Variants in C21orf91 observed in about 807,000 individuals in gnomAD.
The protein encoded by C21orf91 is chromosome 21 open reading frame 91.
A neutral mutation model predicts 32.9 loss-of-function variants in C21orf91; 26 were observed. The ratio of observed to expected loss-of-function variants is 0.79; its 90% CI spans 0.58 to 1.10. C21orf91 has a LOEUF of 1.10. Ranked by LOEUF, C21orf91 falls within the 50% of genes least tolerant of loss-of-function variation. The pLI is 0.00. For synonymous variants in C21orf91, 126 were observed against 120.4 expected (o/e 1.05, Z -0.31); for missense variants, 310 against 341.3 (o/e 0.91, Z 0.72).
chr21:17,814,775 G>C (rs1017215674), intron 2 of C21orf91, among the ~76,000 whole-genome samples: 4 of 152,134 alleles, frequency 2.6e-5, no homozygotes, highest in South Asian at 2.1e-4. Flanking sequence ...TCCATGATCC[G>C]ATCACCTAAT....
rs1462727914 is a variant in C21orf91, at chr21:17,795,208, C to T, written c.727G>A (p.Glu243Lys). 3 of 1,603,792 alleles carry T rather than the reference C, an allele frequency of 1.9e-6. No individual in the cohort carries two copies. The highest frequency in any genetic ancestry group is 1.7e-5 in the Admixed American group (1 of 59,970). Reference protein sequence around the residue: ...LNAKLLQQIQEVFEELTHQVQ... With the variant: ...LNAKLLQQIQKVFEELTHQVQ... ...AAAAAGTACTGACAGTGATTCTTAC[C>T]CTGGATTTGCTGTAGGAGCTTTGCA... Residue 243 changes from glutamate (E) to lysine (K), a missense_variant and splice_region_variant, in exon 4 of 5, where the codon GAA becomes AAA. By Grantham distance (56) the Glu-to-Lys change is moderately conservative. Transcript: ENST00000284881.
intron 2 of C21orf91, among the ~76,000 whole-genome samples, chr21:17,812,038 GA>G (rs574442932): frequency 1.1e-4 from 17 of 150,012 alleles, no homozygotes; most frequent in African/African-American, 3.4e-4. Flanking sequence ...TAGGCAGGAG[GA>G]AAAAAAAATG....
At chr21:17,797,604 GA>G (rs2146248329) in intron 2 of C21orf91, among the ~76,000 whole-genome samples, 1 of 146,698 alleles carries the variant, frequency 6.8e-6, no homozygotes, top group South Asian at 2.2e-4. Flanking sequence ...ACCAGAACCA[GA>G]AAAATGCAAA....
chr21:17,799,975 G>A (rs902431655), intron 2 of C21orf91, among the ~76,000 whole-genome samples: 1 of 152,168 alleles, frequency 6.6e-6, no homozygotes, highest in African/African-American at 2.4e-5. Context: ...AATTAAAGGT[G>A]TCTTTCAGTG....
chr21:17,797,266 A>G, intron 2 of C21orf91, 148 bp from the exon 3 acceptor site: 1 of 522,216 alleles, frequency 1.9e-6, no homozygotes, highest in Non-Finnish European at 3.3e-6. Context: ...TTAATATACA[A>G]TGTGGCCTAA....
At position 17,812,562 on chromosome 21, in the gene C21orf91, C is replaced by T. The variant is rs142961940; in HGVS notation, c.127+5630G>A. 1.5e-3 allele frequency among the ~76,000 whole-genome samples: 231 copies of T among 152,314 alleles called. 5 individuals carry two copies. The East Asian group carries it at 0.042, about 28-fold the overall frequency. On this transcript the variant is annotated intron_variant, in intron 2 of 4. Coordinates refer to ENST00000284881, the MANE Select transcript of C21orf91 (RefSeq NM_001100420.2). ...CGGTGGCTCACGCCTGTAATCCCAG[C>T]ACTTCGGGAGGCCGAGGTGGGTGCA...
chr21:17,818,423 C>G (rs2062680180), intron 1 of C21orf91, 98 bp from the exon 2 acceptor site: 2 of 974,124 alleles, frequency 2.1e-6, no homozygotes, highest in East Asian at 4.9e-5. Flanking sequence ...GGATGCTGTT[C>G]AGCTCATTTA....
At chr21:17,810,305 A>G (rs948643036) in intron 2 of C21orf91, among the ~76,000 whole-genome samples, 1 of 152,210 alleles carries the variant, frequency 6.6e-6, no homozygotes, top group Admixed American at 6.5e-5. Context: ...TTTAATTTAT[A>G]TTCGGTAATA....
chr21:17,802,913 T>C (rs1757621644), intron 2 of C21orf91, among the ~76,000 whole-genome samples: 1 of 152,202 alleles, frequency 6.6e-6, no homozygotes. Context: ...TTACATAACT[T>C]GGTGCTCCAC....
chr21:17,804,406 A>G lies in C21orf91; in HGVS notation c.128-7288T>C, dbSNP rs114709266. ...TGTCTTAGAAAGTACTGTGATAAAG[A>G]GTACCTCATTTCCTCACCCTCATGC... On this transcript the variant is annotated intron_variant, in intron 2 of 4. Coordinates refer to ENST00000284881, the MANE Select transcript of C21orf91 (RefSeq NM_001100420.2). Among the ~76,000 whole-genome samples, 492 of 152,364 alleles carry G rather than the reference A, an allele frequency of 3.2e-3. 3 individuals carry two copies. The highest frequency in any genetic ancestry group is 0.012 in the African/African-American group (484 of 41,584).
intron 2 of C21orf91, among the ~76,000 whole-genome samples, chr21:17,806,064 G>A (rs1177972964): frequency 6.6e-6 from 1 of 152,136 alleles, no homozygotes; most frequent in African/African-American, 2.4e-5. Flanking sequence ...GATGAATGAG[G>A]GCACACTATT....
intron 2 of C21orf91, among the ~76,000 whole-genome samples, chr21:17,813,246 T>C (rs576307523): frequency 5.9e-5 from 9 of 152,312 alleles, no homozygotes; most frequent in South Asian, 2.1e-4. Context: ...AAGCAGGACA[T>C]AGAGGAACAG....
At chr21:17,809,431 C>T (rs1970326486) in intron 2 of C21orf91, among the ~76,000 whole-genome samples, 1 of 152,178 alleles carries the variant, frequency 6.6e-6, no homozygotes, top group African/African-American at 2.4e-5. Flanking sequence ...AAACACTCCT[C>T]CCAAATAACA....
Position 17,796,593 on chromosome 21 carries a change from C to G in C21orf91, c.653G>C (p.Ser218Thr). 1.9e-6 allele frequency: 3 copies of G among 1,610,988 alleles called. No homozygotes were observed. Among genetic ancestry groups the G allele is most frequent in the Non-Finnish European group, 2.5e-6 (3 of 1,178,042 alleles). Residue 218 changes from serine (S) to threonine (T), a missense_variant, in exon 3 of 5, where the codon AGC becomes ACC. By Grantham distance (58) the Ser-to-Thr change is moderately conservative. Coordinates refer to ENST00000284881, the MANE Select transcript of C21orf91 (RefSeq NM_001100420.2). ...ANVQTQHPHY[S>T]REELNSMTLG... ...CCCATTTTACTTACATTCCTCTCTG[C>G]TGTAATGTGGATGCTGGGTCTGGAC...
At chr21:17,801,097 A>G (rs2062556279) in intron 2 of C21orf91, among the ~76,000 whole-genome samples, 1 of 152,180 alleles carries the variant, frequency 6.6e-6, no homozygotes. Flanking sequence ...AGACACATGC[A>G]TATGTATGTT....
chr21:17,799,172 T>G (rs1258699964), intron 2 of C21orf91, among the ~76,000 whole-genome samples: 2 of 152,180 alleles, frequency 1.3e-5, no homozygotes, highest in Admixed American at 6.6e-5. Flanking sequence ...ATACAGAAAC[T>G]CCGATAAAAA....
chr21:17,798,004 A>G (rs889150010), intron 2 of C21orf91, among the ~76,000 whole-genome samples: 1 of 152,132 alleles, frequency 6.6e-6, no homozygotes, highest in East Asian at 1.9e-4. Context: ...TTATAAGTTC[A>G]AGCCATGTTA....
intron 2 of C21orf91, among the ~76,000 whole-genome samples, chr21:17,805,406 C>G (rs2062587839): frequency 6.6e-6 from 1 of 152,154 alleles, no homozygotes; most frequent in East Asian, 1.9e-4. Context: ...CTCTGCCTCC[C>G]AGGTTCAAGC....
intron 2 of C21orf91, among the ~76,000 whole-genome samples, chr21:17,806,743 G>T (rs1385306396): frequency 2.6e-5 from 4 of 152,172 alleles, no homozygotes; most frequent in Non-Finnish European, 5.9e-5. Flanking sequence ...GGGAGGCTGA[G>T]GCAGAAGAAT....
Sources: allele counts gnomAD v4.1 joint callset (sites outside exome capture counted in the v4.1 genomes callset), GRCh38; gene constraint gnomAD v4.1.1; transcripts MANE v1.5; gene names NCBI Gene and HGNC (gene_info 2026-07-23, HGNC 2026-07-21).